RBM34: variants seen among roughly 807,000 people sequenced by gnomAD.
The protein encoded by RBM34 is RNA binding motif protein 34.
A neutral mutation model predicts 44.6 loss-of-function variants in RBM34; 39 were observed. That is an observed-to-expected ratio of 0.87 (90% CI 0.68 to 1.14). The LOEUF is 1.14. Among genes scored for constraint, RBM34 ranks in the 50% most tolerant of loss-of-function variants. RBM34 has a pLI of 0.00. For missense variants in RBM34, 572 were observed against 517.9 expected, an observed-to-expected ratio of 1.10 and a Z score of -1.01; for synonymous variants, 194 against 184.0, an observed-to-expected ratio of 1.05 and a Z score of -0.44.
intron 3 of RBM34, among the ~76,000 whole-genome samples, chr1:235,157,362 T>C (rs183489807): frequency 4.6e-5 from 7 of 152,186 alleles, no homozygotes; most frequent in Admixed American, 4.6e-4. Context: ...CGGCAACTGA[T>C]TAGCTAAGCA....
At chr1:235,137,450 C>T (rs2102828618) in intron 8 of RBM34, among the ~76,000 whole-genome samples, 1 of 152,196 alleles carries the variant, frequency 6.6e-6, no homozygotes, top group East Asian at 1.9e-4. Flanking sequence ...CTACAGCTCA[C>T]TGCAGCCTCA....
At chr1:235,152,201 A>G (rs1662192971) in intron 5 of RBM34, among the ~76,000 whole-genome samples, 1 of 152,166 alleles carries the variant, frequency 6.6e-6, no homozygotes, top group Non-Finnish European at 1.5e-5. Context: ...TCCTGCTCCA[A>G]AGAATGTGGC....
In RBM34 at chr1:235,155,876, CT is replaced by C. The variant is rs111691284; in HGVS notation, c.366-765del. On this transcript the variant is annotated intron_variant, in intron 3 of 10. Transcript: ENST00000408888. ...ATATATATATATATATACATATATA[CT>C]TTTTTTTTTTGAGACAGAGTCTAGC... Among the ~76,000 whole-genome samples the C allele has an allele frequency of 4.4e-4, 37 of 84,512 alleles. 4 individuals are homozygous for C. The highest frequency in any genetic ancestry group is 1.6e-3 in the African/African-American group (29 of 17,810). 55.4% of individuals were successfully genotyped at this position (84,512 alleles called of 152,430 possible).
At chr1:235,145,966 G>GTTTTTTTTT (rs34111332) in intron 6 of RBM34, among the ~76,000 whole-genome samples, 1 of 77,212 alleles carries the variant, frequency 1.3e-5, no homozygotes, top group Non-Finnish European at 2.3e-5. Context: ...ATTACAGCAG[G>GTTTTTTTTT]TTTTTTTTTT....
At chr1:235,143,042 CT>C in intron 6 of RBM34, among the ~76,000 whole-genome samples, 1 of 152,074 alleles carries the variant, frequency 6.6e-6, no homozygotes, top group South Asian at 2.1e-4. Flanking sequence ...TAAATAACTC[CT>C]TACAACCATA....
intron 6 of RBM34, among the ~76,000 whole-genome samples, chr1:235,146,984 G>A (rs928497535): frequency 6.6e-6 from 1 of 152,180 alleles, no homozygotes; most frequent in African/African-American, 2.4e-5. Flanking sequence ...TAATCCCACT[G>A]CTTTAGAAGG....
At position 235,160,618 on chromosome 1, in the gene RBM34, C is replaced by A; in HGVS notation, c.258G>T (p.Glu86Asp). 6.2e-7 allele frequency: 1 copy of A among 1,611,894 alleles called. No individual in the cohort carries two copies. The highest frequency in any genetic ancestry group is 8.5e-7 in the Non-Finnish European group (1 of 1,179,496). ...CAATCTGGGATGTACTTTCTTCCTC[C>A]TCATTCCGTTTCGTTTTTTTGATGG... ...KQTIKKTKRN[E>D]EEESTSQIER... Residue 86 changes from glutamate to aspartate, a missense_variant, in exon 3 of 11, where the codon GAG becomes GAT. By Grantham distance (45) the Glu-to-Asp change is conservative. Transcript: ENST00000408888.
intron 3 of RBM34, among the ~76,000 whole-genome samples, chr1:235,155,496 C>T (rs1261788326): frequency 3.4e-5 from 5 of 146,600 alleles, no homozygotes; most frequent in South Asian, 2.1e-4. Flanking sequence ...CGCATGCCCC[C>T]ACACGTGGCT....
At chr1:235,156,827 G>A in intron 3 of RBM34, 2 of 302,320 alleles carry the variant, frequency 6.6e-6, no homozygotes, top group South Asian at 2.9e-5. Context: ...GCCTCCAACA[G>A]TGCAGTGAAG....
chr1:235,160,553 G>C lies in RBM34; in HGVS notation c.323C>G (p.Ala108Gly). The C allele has an allele frequency of 6.2e-7, 1 of 1,613,820 alleles. No individual in the cohort carries two copies. Among genetic ancestry groups the C allele is most frequent in the Non-Finnish European group, 8.5e-7 (1 of 1,179,962 alleles). ...LSQEPAKKVK[A>G]KKKHTNAEKK... ...TTCTGCGTTAGTGTGTTTCTTCTTC[G>C]CTTTCACTTTTTTGGCAGGTTCTTG... Residue 108 changes from alanine (A) to glycine (G), a missense_variant, in exon 3 of 11, where the codon GCG becomes GGG. Ala to Gly is a moderately conservative substitution (Grantham distance 60, BLOSUM62 0). Transcript: ENST00000408888.
At chr1:235,147,701 A>G (rs371182443) in intron 6 of RBM34, among the ~76,000 whole-genome samples, 1 of 152,214 alleles carries the variant, frequency 6.6e-6, no homozygotes, top group East Asian at 1.9e-4. Context: ...GCCATACAAA[A>G]GCTTGATAGA....
intron 5 of RBM34, among the ~76,000 whole-genome samples, chr1:235,151,752 G>T (rs1662165583): frequency 6.6e-6 from 1 of 152,186 alleles, no homozygotes; most frequent in Admixed American, 6.6e-5. Flanking sequence ...CATGAAAAAG[G>T]CTAAGTGCAG....
chr1:235,144,183 C>T (rs1273076871), intron 6 of RBM34, among the ~76,000 whole-genome samples: 1 of 151,990 alleles, frequency 6.6e-6, no homozygotes, highest in Non-Finnish European at 1.5e-5. Context: ...TCCCCTCCAC[C>T]AACCCTCCCC....
At chr1:235,151,304 G>A (rs1662148440) in intron 5 of RBM34, among the ~76,000 whole-genome samples, 1 of 152,136 alleles carries the variant, frequency 6.6e-6, no homozygotes, top group Admixed American at 6.5e-5. Context: ...GGGTTGGGGT[G>A]AGAATGGATG....
In RBM34 at chr1:235,135,692, A is replaced by C. The variant is rs537362399; in HGVS notation, c.968T>G (p.Met323Arg). 33 of 1,614,218 alleles carry C rather than the reference A, an allele frequency of 2.0e-5. No individual in the cohort carries two copies. In the African/African-American group the frequency reaches 4.1e-4, roughly 20 times the overall value. ...IMAVRIVRDK[M>R]TGIGKGFGYV... ...GCCAAACCCTTTGCCGATGCCTGTC[A>C]TTTTGTCTCTCACAATCCTCACGGC... The change falls in exon 10 of 11, where the codon ATG (methionine) becomes AGG (arginine). Residue 323 changes from methionine (M) to arginine (R), a missense_variant. Met to Arg is a moderately conservative substitution (Grantham distance 91). Transcript: ENST00000408888.
intron 3 of RBM34, 55 bp downstream of exon 3, chr1:235,160,456 G>C (rs554288388): frequency 4.6e-6 from 7 of 1,535,832 alleles, no homozygotes; most frequent in Non-Finnish European, 4.5e-6. Flanking sequence ...CCAAGTATAG[G>C]AATGTTAATT....
In RBM34 at chr1:235,131,487, G is replaced by C. The variant is rs375113836; in HGVS notation, c.*226C>G. 15 of 461,830 alleles carry C rather than the reference G, an allele frequency of 3.2e-5. No individual in the cohort carries two copies. The highest frequency in any genetic ancestry group is 1.1e-4 in the East Asian group (3 of 27,372). 28.6% of individuals were successfully genotyped at this position (461,830 alleles called of 1,614,324 possible). ...CACGCCACTGCACTCCAGCCTGGGA[G>C]ACAACAGCCAAACTCCATCTCAAAA... is the stretch of plus-strand genomic sequence containing the variant. On this transcript the variant is annotated 3_prime_UTR_variant, in exon 11 of 11. Coordinates refer to ENST00000408888, the MANE Select transcript of RBM34 (RefSeq NM_015014.4).
chr1:235,156,966 C>T (rs1334605007), intron 3 of RBM34, among the ~76,000 whole-genome samples: 3 of 152,212 alleles, frequency 2.0e-5, no homozygotes, highest in African/African-American at 7.2e-5. Flanking sequence ...ACTGCTATTA[C>T]TCCTCCCCTG....
rs768846936 is a variant in RBM34 at position 235,160,631 on chromosome 1, GT to G, written c.244del (p.Thr82ArgfsTer25). On this transcript the variant is annotated frameshift_variant, in exon 3 of 11. Coordinates refer to ENST00000408888, the MANE Select transcript of RBM34 (RefSeq NM_015014.4). LOFTEE classifies it high-confidence loss of function. ...VPVPKQTIKK[T>X]KRNEEEESTS... ...ACTTTCTTCCTCCTCATTCCGTTTC[GT>G]TTTTTTGATGGTTTGCTTTTTAAAA... The G allele has an allele frequency of 6.2e-7, 1 of 1,610,510 alleles. No individual in the cohort carries two copies.
Sources: gnomAD v4.1 joint callset for allele counts (sites outside exome capture counted in the v4.1 genomes callset) on GRCh38, gnomAD v4.1.1 for gene constraint, MANE v1.5 for transcripts, NCBI Gene and HGNC (gene_info 2026-07-23, HGNC 2026-07-21) for gene names.